The following WASF3 variants were observed in gnomAD, a reference collection of about 807,000 sequenced individuals.
The protein encoded by WASF3 is WASP family member 3, also known as actin-binding protein WASF3.
Under a neutral mutation model 46.6 loss-of-function variants are expected in WASF3, and 11 were observed. That is an observed-to-expected ratio of 0.24 (90% CI 0.15 to 0.39). WASF3 has a LOEUF of 0.39. WASF3 is among the 10% of genes least tolerant of loss of function. WASF3 has a pLI of 1.00. For synonymous variants in WASF3, 242 were observed against 259.7 expected (o/e 0.93, Z 0.65); for missense variants, 576 against 669.8 (o/e 0.86, Z 1.55).
intron 1 of WASF3, among the ~76,000 whole-genome samples, chr13:26,572,953 T>C (rs1325151550): frequency 2.0e-5 from 3 of 152,360 alleles, no homozygotes; most frequent in Non-Finnish European, 4.4e-5. Flanking sequence ...GTTCCTATTT[T>C]GTGTGATCAC....
intron 3 of WASF3, among the ~76,000 whole-genome samples, chr13:26,643,692 C>T (rs2137414345): frequency 6.6e-6 from 1 of 152,248 alleles, no homozygotes; most frequent in Non-Finnish European, 1.5e-5. Flanking sequence ...GCTGAAATGC[C>T]TGTTGGCACA....
At chr13:26,614,714 G>GT (rs1881079964) in intron 2 of WASF3, among the ~76,000 whole-genome samples, 2 of 152,102 alleles carry the variant, frequency 1.3e-5, no homozygotes, top group South Asian at 4.1e-4. Flanking sequence ...CACGGATACT[G>GT]TCTAGTATTT....
chr13:26,688,793 A>G lies in WASF3; in HGVS notation c.*2948A>G, dbSNP rs1331735172. On this transcript the variant is annotated 3_prime_UTR_variant, in exon 10 of 10. Coordinates refer to ENST00000335327, the MANE Select transcript of WASF3 (RefSeq NM_006646.6). ...TAAATCATAGTATCTGTCATCTTGC[A>G]GTATTACCAATGCTGTTGTAAATTG... 2.0e-5 allele frequency: 3 copies of G among 152,242 alleles called. No homozygotes were observed. The highest frequency in any genetic ancestry group is 7.2e-5 in the African/African-American group (3 of 41,464). The allele number at this position is 152,242 out of a possible 1,614,324, so 9.4% of individuals were successfully genotyped here.
intron 3 of WASF3, among the ~76,000 whole-genome samples, chr13:26,647,349 C>A (rs567964885): frequency 6.6e-6 from 1 of 152,158 alleles, no homozygotes; most frequent in African/African-American, 2.4e-5. Context: ...AGCCGCTTGG[C>A]AAACAGTTTT....
chr13:26,626,228 G>A (rs1035887579), intron 2 of WASF3: 1 of 152,288 alleles, frequency 6.6e-6, no homozygotes, highest in Non-Finnish European at 1.5e-5. Flanking sequence ...AAAGTACTAA[G>A]AGGAGGACGT....
chr13:26,559,031 T>G (rs1328354830), intron 1 of WASF3, among the ~76,000 whole-genome samples: 2 of 152,206 alleles, frequency 1.3e-5, no homozygotes, highest in Non-Finnish European at 2.9e-5. Flanking sequence ...TTTACCCAAC[T>G]CTCCTTTTCT....
intron 1 of WASF3, among the ~76,000 whole-genome samples, chr13:26,576,446 A>C (rs546036857): frequency 6.6e-6 from 1 of 152,294 alleles, no homozygotes; most frequent in African/African-American, 2.4e-5. Context: ...GGGGAATTTC[A>C]GAAGTACTGA....
At chr13:26,608,488 T>C (rs879588897) in intron 1 of WASF3, among the ~76,000 whole-genome samples, 9 of 152,220 alleles carry the variant, frequency 5.9e-5, no homozygotes, top group Non-Finnish European at 1.3e-4. Flanking sequence ...CAGTATCTCT[T>C]CTGCTACTTG....
chr13:26,559,788 T>C (rs1042575465), intron 1 of WASF3, among the ~76,000 whole-genome samples: 29 of 80,548 alleles, frequency 3.6e-4, no homozygotes, highest in African/African-American at 1.3e-3. Flanking sequence ...TTTTCTTTTC[T>C]TTTCTTTCTT....
intron 2 of WASF3, among the ~76,000 whole-genome samples, chr13:26,627,180 GAAAT>G (rs1402813626): frequency 1.3e-5 from 2 of 152,044 alleles, no homozygotes; most frequent in Non-Finnish European, 2.9e-5. Flanking sequence ...AATTGCATGA[GAAAT>G]AAAATTAGAG....
chr13:26,611,872 G>T (rs1424491745), intron 1 of WASF3, among the ~76,000 whole-genome samples: 1 of 151,924 alleles, frequency 6.6e-6, no homozygotes, highest in African/African-American at 2.4e-5. Context: ...GATGGTTGCG[G>T]TCTTAACTAT....
chr13:26,594,555 A>ATC (rs1880403088), intron 1 of WASF3, among the ~76,000 whole-genome samples: 1 of 152,046 alleles, frequency 6.6e-6, no homozygotes, highest in Non-Finnish European at 1.5e-5. Context: ...TTTCTGGACG[A>ATC]TTGTATTACT....
chr13:26,554,076 C>CCTCTTTCT, upstream of WASF3, among the ~76,000 whole-genome samples: 1 of 72,486 alleles, frequency 1.4e-5, no homozygotes, highest in Non-Finnish European at 2.6e-5. Flanking sequence ...TCCTTCCTTC[C>CCTCTTTCT]TTCCTTCCTT....
chr13:26,667,133 A>G (rs756582884), intron 4 of WASF3, among the ~76,000 whole-genome samples: 12 of 152,222 alleles, frequency 7.9e-5, no homozygotes, highest in Admixed American at 1.3e-4. Flanking sequence ...CACATGCATT[A>G]TATTTAAACT....
At chr13:26,544,460 G>A in the WASF3 span, among the ~76,000 whole-genome samples, 5 of 152,216 alleles carry the variant, frequency 3.3e-5, no homozygotes, top group Non-Finnish European at 7.3e-5. Context: ...CATGGGGTCA[G>A]TGCTGCTGCT....
intron 2 of WASF3, chr13:26,626,470 A>G (rs2137251613): frequency 6.6e-6 from 1 of 152,358 alleles, no homozygotes; most frequent in Non-Finnish European, 1.5e-5. Context: ...CAGAAGGTTC[A>G]GAAGCCTGAC....
chr13:26,550,495 A>G, the WASF3 span, among the ~76,000 whole-genome samples: 1 of 152,096 alleles, frequency 6.6e-6, no homozygotes, highest in Non-Finnish European at 1.5e-5. Flanking sequence ...CAACTATTTT[A>G]CTCTCATTTT....
intron 3 of WASF3, among the ~76,000 whole-genome samples, chr13:26,653,208 C>T (rs1412515201): frequency 6.6e-6 from 1 of 152,184 alleles, no homozygotes; most frequent in Non-Finnish European, 1.5e-5. Flanking sequence ...GATCCCATAT[C>T]CTCAGGGTGC....
At chr13:26,604,290 G>GT (rs1880728443) in intron 1 of WASF3, among the ~76,000 whole-genome samples, 1 of 152,210 alleles carries the variant, frequency 6.6e-6, no homozygotes, top group East Asian at 1.9e-4. Context: ...GGATTCAGAT[G>GT]TAAGTTGTTA....
Sources: gnomAD v4.1 joint callset for allele counts (sites outside exome capture counted in the v4.1 genomes callset) on GRCh38, gnomAD v4.1.1 for gene constraint, MANE v1.5 for transcripts, NCBI Gene and HGNC (gene_info 2026-07-23, HGNC 2026-07-21) for gene names.